NKAIN2: variants seen among roughly 807,000 people sequenced by gnomAD.
The protein encoded by NKAIN2 is sodium/potassium transporting ATPase interacting 2.
NKAIN2 carries 14 observed loss-of-function variants against 32.6 expected under a neutral mutation model. The ratio of observed to expected loss-of-function variants is 0.43; its 90% CI spans 0.28 to 0.67. The LOEUF (loss-of-function observed/expected upper bound fraction) is 0.67, where lower values mean the gene tolerates loss of function less well. NKAIN2 is among the 30% of genes least tolerant of loss of function. The pLI, the probability that NKAIN2 is intolerant of heterozygous loss-of-function variation, is 0.17. For missense variants in NKAIN2, 198 were observed against 258.3 expected (o/e 0.77, Z 1.60); for synonymous variants, 80 against 87.2 (o/e 0.92, Z 0.46).
intron 3 of NKAIN2, among the ~76,000 whole-genome samples, chr6:124,512,761 G>A (rs1283523435): frequency 6.6e-6 from 1 of 152,102 alleles, no homozygotes; most frequent in Non-Finnish European, 1.5e-5. Context: ...GAAATCTTTG[G>A]GAGAACTATG....
intron 1 of NKAIN2, among the ~76,000 whole-genome samples, chr6:123,936,520 G>T (rs1462281434): frequency 6.6e-6 from 1 of 152,024 alleles, no homozygotes; most frequent in Non-Finnish European, 1.5e-5. Flanking sequence ...AAAATAAAAT[G>T]CCGACAGGCA....
chr6:124,612,118 G>A (rs1782712438), intron 3 of NKAIN2, among the ~76,000 whole-genome samples: 1 of 151,116 alleles, frequency 6.6e-6, no homozygotes, highest in East Asian at 1.9e-4. Context: ...AGACTATATA[G>A]GTATTTTGGG....
At chr6:124,549,844 G>C (rs1156294840) in intron 3 of NKAIN2, among the ~76,000 whole-genome samples, 1 of 152,108 alleles carries the variant, frequency 6.6e-6, no homozygotes, top group African/African-American at 2.4e-5. Context: ...TTCATATCAG[G>C]GGGTATGTGG....
chr6:124,751,450 T>C (rs780320201), intron 4 of NKAIN2, among the ~76,000 whole-genome samples: 29 of 152,038 alleles, frequency 1.9e-4, no homozygotes, highest in Non-Finnish European at 2.8e-4. Context: ...AATGCTAAGG[T>C]CCTCTTGGTG....
intron 3 of NKAIN2, among the ~76,000 whole-genome samples, chr6:124,383,817 G>C (rs563862313): frequency 6.6e-6 from 1 of 152,026 alleles, no homozygotes; most frequent in Non-Finnish European, 1.5e-5. Context: ...TCATTGTTCT[G>C]TATTCCATAC....
At chr6:124,118,048 G>A (rs1170792779) in intron 1 of NKAIN2, among the ~76,000 whole-genome samples, 1 of 152,060 alleles carries the variant, frequency 6.6e-6, no homozygotes, top group African/African-American at 2.4e-5. Context: ...TGACATCAGA[G>A]TATTAGAGTA....
chr6:124,273,431 C>T (rs902030445), intron 1 of NKAIN2, among the ~76,000 whole-genome samples: 4 of 152,148 alleles, frequency 2.6e-5, no homozygotes, highest in African/African-American at 7.2e-5. Context: ...TTTCCTGAGG[C>T]CTCCCAGACA....
chr6:123,911,960 A>G (rs1452656270), intron 1 of NKAIN2, among the ~76,000 whole-genome samples: 1 of 151,168 alleles, frequency 6.6e-6, no homozygotes, highest in Non-Finnish European at 1.5e-5. Flanking sequence ...GTTTTGGACT[A>G]AAGTTTATGG....
chr6:124,586,608 G>GAAA (rs201022705), intron 3 of NKAIN2, among the ~76,000 whole-genome samples: 1 of 127,702 alleles, frequency 7.8e-6, no homozygotes. Context: ...AAGTTGGAAA[G>GAAA]AAAAAAAAAA....
At chr6:124,017,335 C>T (rs1029283818) in intron 1 of NKAIN2, among the ~76,000 whole-genome samples, 3 of 152,068 alleles carry the variant, frequency 2.0e-5, no homozygotes, top group African/African-American at 7.2e-5. Flanking sequence ...GGTGGGGACA[C>T]AGACGAACTG....
At chr6:124,200,073 A>T (rs1444840221) in intron 1 of NKAIN2, among the ~76,000 whole-genome samples, 1 of 152,108 alleles carries the variant, frequency 6.6e-6, no homozygotes, top group Non-Finnish European at 1.5e-5. Flanking sequence ...TTCTCCATGA[A>T]CCCAGATTTA....
At chr6:124,616,877 T>C (rs1184589046) in intron 3 of NKAIN2, among the ~76,000 whole-genome samples, 3 of 152,036 alleles carry the variant, frequency 2.0e-5, no homozygotes, top group Non-Finnish European at 4.4e-5. Flanking sequence ...TCTTGACATA[T>C]GCGTGGTTAT....
chr6:124,141,232 A>T (rs1210150846), intron 1 of NKAIN2, among the ~76,000 whole-genome samples: 2 of 152,182 alleles, frequency 1.3e-5, no homozygotes, highest in African/African-American at 4.8e-5. Context: ...GAGCAATGAA[A>T]ATTCCCTGTG....
At chr6:124,066,988 C>T (rs997384356) in intron 1 of NKAIN2, among the ~76,000 whole-genome samples, 3 of 151,924 alleles carry the variant, frequency 2.0e-5, no homozygotes, top group African/African-American at 7.3e-5. Flanking sequence ...CTTTCTTAGG[C>T]CAGAAGAGAA....
chr6:124,740,944 G>A (rs1288111803), intron 4 of NKAIN2, among the ~76,000 whole-genome samples: 1 of 151,876 alleles, frequency 6.6e-6, no homozygotes, highest in African/African-American at 2.4e-5. Flanking sequence ...TGGAAGCTCT[G>A]AATCCTTTAG....
intron 1 of NKAIN2, among the ~76,000 whole-genome samples, chr6:123,965,015 G>C (rs1778008490): frequency 6.6e-6 from 1 of 152,102 alleles, no homozygotes; most frequent in South Asian, 2.1e-4. Context: ...TGAGATCCCT[G>C]TTTTCTGCCA....
intron 3 of NKAIN2, among the ~76,000 whole-genome samples, chr6:124,462,743 A>G (rs1334057899): frequency 6.6e-6 from 1 of 152,038 alleles, no homozygotes; most frequent in Non-Finnish European, 1.5e-5. Context: ...CTCCATTCAC[A>G]AAACAATTCC....
chr6:124,171,369 G>T (rs935234798), intron 1 of NKAIN2, among the ~76,000 whole-genome samples: 1 of 151,978 alleles, frequency 6.6e-6, no homozygotes, highest in African/African-American at 2.4e-5. Context: ...GAAACAGCAA[G>T]ATTTGACATA....
chr6:124,120,507 C>T (rs1785828378), intron 1 of NKAIN2, among the ~76,000 whole-genome samples: 1 of 152,112 alleles, frequency 6.6e-6, no homozygotes, highest in African/African-American at 2.4e-5. Context: ...AGTGGATTGT[C>T]TTATCCCTCT....
Sources: allele counts gnomAD v4.1 joint callset (sites outside exome capture counted in the v4.1 genomes callset), GRCh38; gene constraint gnomAD v4.1.1; transcripts MANE v1.5; gene names NCBI Gene and HGNC (gene_info 2026-07-23, HGNC 2026-07-21).